Variants in SCRG1 observed in about 807,000 individuals in gnomAD.
SCRG1 encodes scrapie-responsive protein 1.
Under a neutral mutation model 7.7 loss-of-function variants are expected in SCRG1, and 3 were observed. That is an observed-to-expected ratio of 0.39 (90% CI 0.18 to 1.01). SCRG1 has a LOEUF of 1.01. SCRG1 is among the 50% of genes least tolerant of loss of function. SCRG1 has a pLI of 0.36. For missense variants in SCRG1, 110 were observed against 117.2 expected, an observed-to-expected ratio of 0.94 and a Z score of 0.28; for synonymous variants, 46 against 41.2, an observed-to-expected ratio of 1.12 and a Z score of -0.44.
chr4:173,498,176 T>C, the SCRG1 span, among the ~76,000 whole-genome samples: 3 of 152,240 alleles, frequency 2.0e-5, no homozygotes, highest in Non-Finnish European at 4.4e-5. Context: ...AATTCAAGAC[T>C]CTTATAAACA....
chr4:173,491,212 TCTC>T, the SCRG1 span, among the ~76,000 whole-genome samples: 1 of 101,220 alleles, frequency 9.9e-6, no homozygotes, highest in African/African-American at 2.8e-5. Flanking sequence ...TCTCTCTCTC[TCTC>T]TCTTTTTTTT....
At chr4:173,461,300 C>T in the SCRG1 span, among the ~76,000 whole-genome samples, 2 of 152,190 alleles carry the variant, frequency 1.3e-5, no homozygotes, top group African/African-American at 2.4e-5. Flanking sequence ...TGAGTTTAGT[C>T]ATAATGGTTG....
At chr4:173,515,122 C>T in the SCRG1 span, among the ~76,000 whole-genome samples, 29 of 152,192 alleles carry the variant, frequency 1.9e-4, no homozygotes, top group African/African-American at 5.5e-4. This position sits in a 1 kb window ranked among gnomAD's most constrained non-coding sequence, Gnocchi z 4.6. Flanking sequence ...CTGGGGGAAA[C>T]GGTGGGGCAG....
the SCRG1 span, among the ~76,000 whole-genome samples, chr4:173,438,978 G>A: frequency 6.6e-6 from 1 of 151,920 alleles, no homozygotes; most frequent in East Asian, 1.9e-4. Flanking sequence ...GTGGCCATGA[G>A]ACTGAGTCCT....
chr4:173,445,605 ACTC>A, the SCRG1 span, among the ~76,000 whole-genome samples: 2 of 150,552 alleles, frequency 1.3e-5, no homozygotes, highest in South Asian at 4.2e-4. Flanking sequence ...AAAAGAAAAT[ACTC>A]ATGCAAGTCA....
the SCRG1 span, among the ~76,000 whole-genome samples, chr4:173,493,673 C>T: frequency 1.3e-5 from 2 of 150,898 alleles, no homozygotes; most frequent in South Asian, 4.2e-4. Flanking sequence ...TTAATGTTGC[C>T]GAGTGCTCTA....
At chr4:173,517,083 C>T in the SCRG1 span, among the ~76,000 whole-genome samples, 23 of 152,196 alleles carry the variant, frequency 1.5e-4, 1 homozygote, top group Admixed American at 1.5e-3. Context: ...ACGAGGCTCC[C>T]GGCGCCCAGG....
chr4:173,476,363 A>AAAAAAAAAAAAATATATATATATATAT, the SCRG1 span, among the ~76,000 whole-genome samples: 1 of 98,484 alleles, frequency 1.0e-5, no homozygotes, highest in Non-Finnish European at 2.3e-5. Context: ...GGAAAAAAAA[A>AAAAAAAAAAAAATATATATATATATAT]ATATATATAT....
At chr4:173,451,459 T>G in the SCRG1 span, among the ~76,000 whole-genome samples, 1 of 150,212 alleles carries the variant, frequency 6.7e-6, no homozygotes, top group Non-Finnish European at 1.5e-5. Context: ...TTTAGGGTTA[T>G]TCTCAAAAGT....
the SCRG1 span, among the ~76,000 whole-genome samples, chr4:173,461,939 A>G: frequency 6.6e-6 from 1 of 152,182 alleles, no homozygotes; most frequent in African/African-American, 2.4e-5. Flanking sequence ...CGAGGAATGT[A>G]TCAAACCCCT....
At chr4:173,484,483 T>A in the SCRG1 span, among the ~76,000 whole-genome samples, 1 of 37,790 alleles carries the variant, frequency 2.6e-5, no homozygotes, top group African/African-American at 8.0e-5. Context: ...ATAATATATA[T>A]TATATACATA....
upstream of SCRG1, among the ~76,000 whole-genome samples, chr4:173,403,484 G>A (rs185845578): frequency 5.1e-3 from 777 of 152,140 alleles, 9 homozygotes; most frequent in African/African-American, 0.018. Flanking sequence ...GCGCCGCCCC[G>A]GGAATGCTGG....
chr4:173,407,740 A>G (rs1456081596), upstream of SCRG1, among the ~76,000 whole-genome samples: 2 of 152,184 alleles, frequency 1.3e-5, no homozygotes, highest in African/African-American at 4.8e-5. Context: ...AGAATCAGAC[A>G]CCATTTTGTA....
the SCRG1 span, among the ~76,000 whole-genome samples, chr4:173,459,534 G>T: frequency 6.6e-6 from 1 of 152,106 alleles, no homozygotes; most frequent in African/African-American, 2.4e-5. Flanking sequence ...AAGAAATTAA[G>T]AAGAAAATTT....
At chr4:173,412,886 A>G in the SCRG1 span, among the ~76,000 whole-genome samples, 1 of 152,212 alleles carries the variant, frequency 6.6e-6, no homozygotes, top group Non-Finnish European at 1.5e-5. Context: ...TCTTCATCCC[A>G]GGTTGAGAAT....
chr4:173,459,108 A>T, the SCRG1 span, among the ~76,000 whole-genome samples: 1 of 152,254 alleles, frequency 6.6e-6, no homozygotes, highest in East Asian at 1.9e-4. Context: ...GAACACCCAG[A>T]TACATAAAGC....
chr4:173,443,575 T>C, the SCRG1 span, among the ~76,000 whole-genome samples: 1 of 152,230 alleles, frequency 6.6e-6, no homozygotes, highest in African/African-American at 2.4e-5. Flanking sequence ...ATTATCGCTT[T>C]GCCTTTATTG....
At chr4:173,467,623 G>A in the SCRG1 span, among the ~76,000 whole-genome samples, 9 of 152,050 alleles carry the variant, frequency 5.9e-5, no homozygotes, top group South Asian at 2.1e-4. Flanking sequence ...AACCCCTCCC[G>A]CTGGTGCAAA....
the SCRG1 span, among the ~76,000 whole-genome samples, chr4:173,432,174 T>C: frequency 3.3e-5 from 5 of 152,050 alleles, no homozygotes; most frequent in South Asian, 8.3e-4. Context: ...ATCTGGAAAA[T>C]CAGCCAGCAG....
Sources: allele counts gnomAD v4.1 joint callset (sites outside exome capture counted in the v4.1 genomes callset), GRCh38; gene constraint gnomAD v4.1.1; non-coding constraint Gnocchi (gnomAD v3.1); transcripts MANE v1.5; gene names NCBI Gene and HGNC (gene_info 2026-07-23, HGNC 2026-07-21).